Variants in TASP1 observed in about 807,000 individuals in gnomAD.
The protein encoded by TASP1 is threonine aspartase 1.
TASP1 carries 16 observed loss-of-function variants against 56.6 expected under a neutral mutation model. The observed-to-expected ratio is 0.28, with a 90% CI of 0.19 to 0.43. The LOEUF is 0.43. Ranked by LOEUF, TASP1 falls within the 20% of genes least tolerant of loss-of-function variation. The pLI, the probability that TASP1 is intolerant of heterozygous loss-of-function variation, is 1.00. For missense variants in TASP1, 393 were observed against 511.6 expected (o/e 0.77, Z 2.24); for synonymous variants, 179 against 184.2 (o/e 0.97, Z 0.23).
At chr20:13,402,477 C>T (rs1337020491) in intron 13 of TASP1, among the ~76,000 whole-genome samples, 1 of 152,170 alleles carries the variant, frequency 6.6e-6, no homozygotes. Flanking sequence ...CAAGTAAAAT[C>T]AGTGATTAGC....
chr20:13,597,692 C>A (rs1385890648), intron 4 of TASP1, among the ~76,000 whole-genome samples: 1 of 152,080 alleles, frequency 6.6e-6, no homozygotes, highest in Non-Finnish European at 1.5e-5. Flanking sequence ...AGCAATCAGG[C>A]AGGAGAAAGA....
intron 10 of TASP1, among the ~76,000 whole-genome samples, chr20:13,506,104 C>T (rs1050862435): frequency 1.3e-5 from 2 of 152,064 alleles, no homozygotes. Context: ...GATTACAAGA[C>T]ACTACCATGA....
chr20:13,460,530 T>G (rs2044017674), intron 11 of TASP1, among the ~76,000 whole-genome samples: 1 of 152,146 alleles, frequency 6.6e-6, no homozygotes, highest in Non-Finnish European at 1.5e-5. Flanking sequence ...ATATATGCAA[T>G]TGCCTAATTA....
At chr20:13,117,702 G>C in the TASP1 span, 3 of 1,612,912 alleles carry the variant, frequency 1.9e-6, no homozygotes, top group Non-Finnish European at 2.5e-6. Context: ...TGGAGCTTCA[G>C]GAGGTTACAT....
intron 11 of TASP1, among the ~76,000 whole-genome samples, chr20:13,474,335 C>G (rs905487631): frequency 2.0e-5 from 3 of 152,048 alleles, no homozygotes; most frequent in Non-Finnish European, 4.4e-5. Flanking sequence ...CACTCTTATG[C>G]CTTTGTGTCC....
chr20:13,612,454 AAC>A (rs2048377975), intron 4 of TASP1, among the ~76,000 whole-genome samples: 1 of 151,550 alleles, frequency 6.6e-6, no homozygotes, highest in Admixed American at 6.6e-5. Flanking sequence ...ATCAAGACAA[AAC>A]ATGATAACCT....
chr20:13,400,368 T>C (rs1009173430), intron 13 of TASP1, among the ~76,000 whole-genome samples: 2 of 152,252 alleles, frequency 1.3e-5, no homozygotes, highest in Admixed American at 1.3e-4. Flanking sequence ...TATTAGCTAC[T>C]GTAATAACCC....
intron 10 of TASP1, among the ~76,000 whole-genome samples, chr20:13,524,246 T>C (rs935930502): frequency 3.9e-5 from 6 of 152,026 alleles, no homozygotes; most frequent in African/African-American, 1.4e-4. Context: ...ATCTCTTGCT[T>C]TTTTCCCCTC....
At chr20:13,411,146 T>C (rs1440298331) in intron 13 of TASP1, among the ~76,000 whole-genome samples, 3 of 152,168 alleles carry the variant, frequency 2.0e-5, no homozygotes, top group Non-Finnish European at 2.9e-5. Flanking sequence ...TATAAAGGTA[T>C]GGATTTCTGG....
chr20:13,286,285 G>A, the TASP1 span, among the ~76,000 whole-genome samples: 45 of 151,810 alleles, frequency 3.0e-4, 1 homozygote, highest in African/African-American at 1.0e-3. Context: ...TGGTGCCCTT[G>A]GGGAGGTGAC....
chr20:13,542,739 T>C (rs1353385121), intron 8 of TASP1, among the ~76,000 whole-genome samples: 1 of 151,820 alleles, frequency 6.6e-6, no homozygotes, highest in Non-Finnish European at 1.5e-5. Context: ...AATTTATGGA[T>C]CAAATAAATC....
At chr20:13,434,837 A>G (rs1219016363) in intron 12 of TASP1, among the ~76,000 whole-genome samples, 1 of 152,196 alleles carries the variant, frequency 6.6e-6, no homozygotes, top group East Asian at 1.9e-4. Context: ...TTTGAAATAT[A>G]TTCTCTAAGT....
At chr20:13,227,512 T>TC in the TASP1 span, among the ~76,000 whole-genome samples, 1 of 133,534 alleles carries the variant, frequency 7.5e-6, no homozygotes, top group Non-Finnish European at 1.6e-5. Flanking sequence ...CCAACTTTTT[T>TC]CTTTTTTTTT....
At chr20:13,630,687 CAAAAAAAAAA>C (rs33973259) in intron 1 of TASP1, among the ~76,000 whole-genome samples, 1 of 65,548 alleles carries the variant, frequency 1.5e-5, no homozygotes, top group African/African-American at 5.8e-5. Flanking sequence ...AGCTCTGTCT[CAAAAAAAAAA>C]AAAAAAAAAA....
At position 13,456,436 on chromosome 20, in the gene TASP1, G is replaced by T. The variant is rs148778958; in HGVS notation, c.986-21282C>A. On this transcript the variant is annotated intron_variant, in intron 11 of 13. Coordinates refer to ENST00000337743, the MANE Select transcript of TASP1 (RefSeq NM_017714.3). Reference sequence around the variant, plus strand: ...GCCCTCCACCATATAGTCCTGATTTGGCTCCTTCTTTTTGTTTGCTATCCT... The same window carrying T: ...GCCCTCCACCATATAGTCCTGATTTTGCTCCTTCTTTTTGTTTGCTATCCT... Among the ~76,000 whole-genome samples, 391 of 152,076 alleles carry T rather than the reference G, an allele frequency of 2.6e-3. 2 individuals carry two copies. Among genetic ancestry groups the T allele is most frequent in the African/African-American group, 8.7e-3 (361 of 41,494 alleles).
Position 13,587,275 on chromosome 20 carries a change from AT to A in TASP1, c.377del (p.Asn126IlefsTer8), listed in dbSNP as rs761470333. The A allele has an allele frequency of 3.1e-6, 5 of 1,612,798 alleles. No homozygotes were observed. The highest frequency in any genetic ancestry group is 4.2e-6 in the Non-Finnish European group (5 of 1,179,578). On this transcript the variant is annotated frameshift_variant, in exon 5 of 14. Transcript: ENST00000337743. LOFTEE classifies it high-confidence loss of function. ...DASIMDGKSL[N>X]FGAVGALSGI... Reference sequence around the variant, plus strand: ...CACTCAGTGCTCCAACTGCTCCAAAATTTAAGGATTTTCCATCCATTATGCT... The same window carrying A: ...CACTCAGTGCTCCAACTGCTCCAAAATTAAGGATTTTCCATCCATTATGCT...
chr20:13,445,407 G>C (rs1052646052), intron 11 of TASP1, among the ~76,000 whole-genome samples: 4 of 152,166 alleles, frequency 2.6e-5, no homozygotes, highest in African/African-American at 9.6e-5. Context: ...AATTCATAAA[G>C]CAGTCTAAGA....
chr20:13,331,529 A>C, the TASP1 span, among the ~76,000 whole-genome samples: 1 of 152,232 alleles, frequency 6.6e-6, no homozygotes, highest in African/African-American at 2.4e-5. Context: ...CTGATAAAGA[A>C]AAGTCTCAGC....
the TASP1 span, among the ~76,000 whole-genome samples, chr20:13,177,736 C>A: frequency 1.3e-5 from 2 of 152,190 alleles, no homozygotes; most frequent in East Asian, 3.9e-4. Flanking sequence ...TAGACCCCCA[C>A]CTCTCATTGT....
Sources: allele counts gnomAD v4.1 joint callset (sites outside exome capture counted in the v4.1 genomes callset), GRCh38; gene constraint gnomAD v4.1.1; transcripts MANE v1.5; gene names NCBI Gene and HGNC (gene_info 2026-07-23, HGNC 2026-07-21).